The following BRSK1 variants were observed in gnomAD, a reference collection of about 807,000 sequenced individuals.
The protein encoded by BRSK1 is serine/threonine-protein kinase BRSK1.
In BRSK1, 17 loss-of-function variants were observed where a neutral mutation model predicts 86.2. The observed-to-expected ratio is 0.20, with a 90% confidence interval of 0.14 to 0.30. BRSK1 has a LOEUF of 0.30. BRSK1 is among the 10% of genes least tolerant of loss of function. BRSK1 has a pLI of 1.00. For synonymous variants in BRSK1, 464 were observed against 440.1 expected (o/e 1.05, Z -0.68); for missense variants, 719 against 1,071.9 (o/e 0.67, Z 4.60).
chr19:55,294,457 G>A lies in BRSK1; in HGVS notation c.678+60G>A. On this transcript the variant is annotated intron_variant, in intron 7 of 18. Coordinates refer to ENST00000309383, the MANE Select transcript of BRSK1 (RefSeq NM_032430.2). The surrounding 1 kb of genome is among the most constrained non-coding windows in gnomAD (Gnocchi z 4.9). ...TCAATCCCACCTGGTGGGAGCATAG[G>A]ACAGTACCTTCCATCCTCAGGTCAT... 2 of 1,554,088 alleles carry A rather than the reference G, an allele frequency of 1.3e-6. No individual in the cohort carries two copies. Among genetic ancestry groups the A allele is most frequent in the Non-Finnish European group, 1.8e-6 (2 of 1,134,456 alleles).
chr19:55,311,767 C>G (rs898171685), intron 18 of BRSK1, 144 bp from the exon 19 acceptor site: 2 of 829,998 alleles, frequency 2.4e-6, no homozygotes, highest in African/African-American at 3.5e-5. Context: ...AGGTGCTGGA[C>G]GGACTGGGCC....
Position 55,306,738 on chromosome 19 carries a change from G to A in BRSK1, c.2089+288G>A, listed in dbSNP as rs2088656094. ...GTTAGTAATCACCCATTTTACGGAG[G>A]AGAAAACTGAGTCATAGGGAGGTCA... On this transcript the variant is annotated intron_variant, in intron 17 of 18. Transcript: ENST00000309383. The surrounding 1 kb of genome is among the most constrained non-coding windows in gnomAD (Gnocchi z 4.7). Among the ~76,000 whole-genome samples, 1 of 152,136 alleles carries A rather than the reference G, an allele frequency of 6.6e-6. No homozygotes were observed. The highest frequency in any genetic ancestry group is 2.4e-5 in the African/African-American group (1 of 41,418).
chr19:55,286,644 C>A (rs1303655705), intron 1 of BRSK1, among the ~76,000 whole-genome samples: 3 of 139,656 alleles, frequency 2.1e-5, no homozygotes, highest in African/African-American at 8.2e-5. Flanking sequence ...TGGAGAGAGA[C>A]AGAGAAAGTG....
rs906523080 is a variant in BRSK1, at chr19:55,297,410, T to C, written c.678+3013T>C. Among the ~76,000 whole-genome samples, 19 of 152,312 alleles carry C rather than the reference T, an allele frequency of 1.2e-4. No individual in the cohort carries two copies. In the East Asian group the frequency reaches 3.7e-3, roughly 29 times the overall value. On this transcript the variant is annotated intron_variant, in intron 7 of 18. Transcript: ENST00000309383. The stretch of plus-strand genomic sequence containing the variant: ...GTCAGGCACTGTTCTGATCATGTTA[T>C]TTCACACAATTCCCTCAGCAGTCCC...
chr19:55,294,415 CT>C lies in BRSK1; in HGVS notation c.678+19del, dbSNP rs768373650. The C allele has an allele frequency of 2.5e-6, 4 of 1,612,954 alleles. No individual in the cohort carries two copies. Among genetic ancestry groups the C allele is most frequent in the Non-Finnish European group, 2.5e-6 (3 of 1,179,628 alleles). On this transcript the variant is annotated intron_variant, in intron 7 of 18. Coordinates refer to ENST00000309383, the MANE Select transcript of BRSK1 (RefSeq NM_032430.2). This position sits in a 1 kb window ranked among gnomAD's most constrained non-coding sequence, Gnocchi z 4.9. ...TGCTCGTGGTAAGGCGCCCTCACCT[CT>C]CCTGTCATTTCTAGATCAATCCCAC...
intron 1 of BRSK1, 49 bp from the exon 2 acceptor site, chr19:55,286,958 A>G (rs2088326314): frequency 1.3e-6 from 2 of 1,583,898 alleles, no homozygotes; most frequent in African/African-American, 2.7e-5. Flanking sequence ...GGCGCTGGGG[A>G]CGAAGGGGAC....
chr19:55,290,802 C>T (rs138439180), intron 4 of BRSK1, among the ~76,000 whole-genome samples: 2,359 of 152,100 alleles, frequency 0.016, 63 homozygotes, highest in African/African-American at 0.054. Context: ...CCACCACGCC[C>T]GGCTAATTTT....
chr19:55,309,513 C>T (rs1048072666), intron 18 of BRSK1, among the ~76,000 whole-genome samples: 4 of 152,230 alleles, frequency 2.6e-5, no homozygotes, highest in Admixed American at 2.6e-4. Context: ...CTGCCAGCAG[C>T]GTTGGTGCCT....
chr19:55,302,102 C>T lies in BRSK1; in HGVS notation c.826-35C>T, dbSNP rs1381063713. The T allele has an allele frequency of 1.9e-6, 3 of 1,613,926 alleles. No individual in the cohort carries two copies. Among genetic ancestry groups the T allele is most frequent in the Non-Finnish European group, 2.5e-6 (3 of 1,179,880 alleles). ...GCGCGCCTACATGTGCCTACGACCT[C>T]ACTTCTGCTTCTCTACGACTCACCA... On this transcript the variant is annotated intron_variant, in intron 8 of 18. Transcript: ENST00000309383. This position sits in a 1 kb window ranked among gnomAD's most constrained non-coding sequence, Gnocchi z 6.3.
At chr19:55,309,412 C>G (rs536624926) in intron 18 of BRSK1, among the ~76,000 whole-genome samples, 5 of 152,290 alleles carry the variant, frequency 3.3e-5, no homozygotes, top group African/African-American at 9.6e-5. Flanking sequence ...TTCGTTCAGG[C>G]TACTATAAGA....
In BRSK1 at chr19:55,286,691, A is replaced by T. The variant is rs550550658; in HGVS notation, c.137-316A>T. ...GCTTGGAGGAGACAGACTCGGGGAG[A>T]CACGGTGAGGAAAGAATGCGTGGCA... On this transcript the variant is annotated intron_variant, in intron 1 of 18. Transcript: ENST00000309383. 5.1e-3 allele frequency among the ~76,000 whole-genome samples: 771 copies of T among 151,090 alleles called. 6 individuals carry two copies. Among genetic ancestry groups the T allele is most frequent in the African/African-American group, 0.018 (748 of 41,056 alleles).
At chr19:55,299,607 A>T (rs1430939502) in intron 7 of BRSK1, among the ~76,000 whole-genome samples, 1 of 152,156 alleles carries the variant, frequency 6.6e-6, no homozygotes, top group Non-Finnish European at 1.5e-5. Context: ...GCTGGTGTCA[A>T]ACTACTGAAC....
At chr19:55,299,232 A>G (rs546533408) in intron 7 of BRSK1, among the ~76,000 whole-genome samples, 1 of 152,302 alleles carries the variant, frequency 6.6e-6, no homozygotes, top group East Asian at 1.9e-4. Flanking sequence ...ATGTGACGAG[A>G]GGGTCAAAGG....
At chr19:55,289,420 C>T (rs73053155) in intron 3 of BRSK1, 60 bp from the exon 4 acceptor site, 128,135 of 1,548,486 alleles carry the variant, frequency 0.083, 7,989 homozygotes, top group East Asian at 0.37. Context: ...AAGTGGGAGA[C>T]CAGGCCCTTT....
In BRSK1 at chr19:55,305,677, C is replaced by CT. The variant is rs2088639875; in HGVS notation, c.1890+93dup. 92 of 1,567,850 alleles carry CT rather than the reference C, an allele frequency of 5.9e-5. 1 individual carries two copies. In the South Asian group the frequency reaches 9.4e-4, roughly 16 times the overall value. On this transcript the variant is annotated intron_variant, in intron 16 of 18. Transcript: ENST00000309383. ...GCTAACCACCTTAGCATAGGCCTGG[C>CT]TTCCTCCTGGGGCTCATGGGATTTG...
chr19:55,295,147 G>A (rs2088467423), intron 7 of BRSK1, among the ~76,000 whole-genome samples: 1 of 148,180 alleles, frequency 6.7e-6, no homozygotes, highest in Non-Finnish European at 1.5e-5. Context: ...TTTTGAGAGA[G>A]GATCTCTCTC....
At chr19:55,288,693 C>G (rs1410476819) in intron 3 of BRSK1, among the ~76,000 whole-genome samples, 2 of 152,102 alleles carry the variant, frequency 1.3e-5, no homozygotes, top group East Asian at 2.0e-4. Flanking sequence ...TCAAGTGATT[C>G]TCCTGCGTCA....
chr19:55,291,687 G>A (rs12972786), intron 4 of BRSK1, among the ~76,000 whole-genome samples: 3,100 of 152,278 alleles, frequency 0.02, 48 homozygotes, highest in Middle Eastern at 0.037. Context: ...ATGGGGTGGG[G>A]ATCACGGTAG....
chr19:55,293,570 T>G (rs2088440604), intron 4 of BRSK1, among the ~76,000 whole-genome samples: 1 of 151,756 alleles, frequency 6.6e-6, no homozygotes, highest in Admixed American at 6.6e-5. Flanking sequence ...CCCAGCACTT[T>G]GAGAGGCCAA....
Sources: allele counts gnomAD v4.1 joint callset (sites outside exome capture counted in the v4.1 genomes callset), GRCh38; gene constraint gnomAD v4.1.1; non-coding constraint Gnocchi (gnomAD v3.1); transcripts MANE v1.5; gene names NCBI Gene and HGNC (gene_info 2026-07-23, HGNC 2026-07-21).